The following CCP110 variants were observed in gnomAD, a reference collection of about 807,000 sequenced individuals.
CCP110 encodes centriolar coiled-coil protein 110.
Under a neutral mutation model 105.5 loss-of-function variants are expected in CCP110, and 43 were observed. The ratio of observed to expected loss-of-function variants is 0.41; its 90% CI spans 0.32 to 0.53. The LOEUF is 0.53. CCP110 is among the 20% of genes least tolerant of loss of function. The pLI, the probability that CCP110 is intolerant of heterozygous loss-of-function variation, is 0.32. For missense variants in CCP110, 1,016 were observed against 1,189.1 expected, an observed-to-expected ratio of 0.85 and a Z score of 2.14; for synonymous variants, 353 against 392.1, an observed-to-expected ratio of 0.90 and a Z score of 1.18.
intron 3 of CCP110, among the ~76,000 whole-genome samples, chr16:19,532,769 A>G (rs1969920465): frequency 6.6e-6 from 1 of 152,214 alleles, no homozygotes; most frequent in South Asian, 2.1e-4. Context: ...ACACAATAGA[A>G]CCATACACTG....
chr16:19,548,203 A>G lies in CCP110; in HGVS notation c.2900+189A>G. ...TAACCCTCTTGGTGTACTGTTGTGT[A>G]TTCTAATTACTGTCTTAAGTTGGGA... On this transcript the variant is annotated intron_variant, in intron 13 of 14. Coordinates refer to ENST00000381396, the Ensembl canonical transcript of CCP110. The surrounding 1 kb of genome is among the most constrained non-coding windows in gnomAD (Gnocchi z 4.1). 1.6e-6 allele frequency: 1 copy of G among 623,520 alleles called. No individual in the cohort carries two copies. Among genetic ancestry groups the G allele is most frequent in the Non-Finnish European group, 2.9e-6 (1 of 349,734 alleles). 38.6% of individuals were successfully genotyped at this position (623,520 alleles called of 1,614,324 possible).
Position 19,545,123 on chromosome 16 carries a change from CAT to C in CCP110, c.2619_2620del (p.Phe874LeufsTer7), listed in dbSNP as rs773230576. 5.6e-6 allele frequency: 9 copies of C among 1,611,050 alleles called. No homozygotes were observed. Among genetic ancestry groups the C allele is most frequent in the Non-Finnish European group, 6.8e-6 (8 of 1,178,270 alleles). On this transcript the variant is annotated frameshift_variant, in exon 10 of 15. Transcript: ENST00000381396. LOFTEE classifies it high-confidence loss of function. ...GAGCTGCCTTGTACGGTATTCATGA[CAT>C]ATTCTTTGTAATGGATGCAGCTGAA...
At chr16:19,533,474 A>T (rs963208335) in intron 3 of CCP110, among the ~76,000 whole-genome samples, 1 of 152,116 alleles carries the variant, frequency 6.6e-6, no homozygotes, top group African/African-American at 2.4e-5. Context: ...GAGGAAAGAA[A>T]AAAAAAGGAG....
In CCP110 at chr16:19,526,611, T is replaced by C. The variant is rs976463048; in HGVS notation, c.-15-1256T>C. On this transcript the variant is annotated intron_variant, in intron 1 of 14. Transcript: ENST00000381396. The stretch of plus-strand genomic sequence containing the variant: ...TGAATAGTAGGAAGAAGTTTTGTTA[T>C]TGATTAAACTATTTAGAAAAAATAG... 2.6e-5 allele frequency: 4 copies of C among 152,238 alleles called. No individual in the cohort carries two copies. The East Asian group carries it at 7.7e-4, about 29-fold the overall frequency. The allele number at this position is 152,238 out of a possible 1,614,324, so 9.4% of individuals were successfully genotyped here.
In CCP110 at chr16:19,544,881, G is replaced by C. The variant is rs769893974; in HGVS notation, c.2569G>C (p.Glu857Gln). The C allele has an allele frequency of 1.9e-6, 3 of 1,585,830 alleles. No homozygotes were observed. The Admixed American group carries it at 5.0e-5, about 27-fold the overall frequency. ...TTCAGCTCAAGATGCTTCACTTCAG[G>C]AAAGAGTGTTAGCTCAGGTAAATAC... Residue 857 changes from glutamate (E) to glutamine (Q), a missense_variant, in exon 9 of 15, where the codon GAA becomes CAA. Transcript: ENST00000381396.
intron 1 of CCP110, among the ~76,000 whole-genome samples, chr16:19,524,626 G>C (rs982424799): frequency 2.6e-5 from 4 of 152,154 alleles, no homozygotes; most frequent in African/African-American, 9.7e-5. Flanking sequence ...GGAGCTGCTA[G>C]ATGGTTCCCA....
At chr16:19,530,600 C>G (rs1969830886) in intron 2 of CCP110, among the ~76,000 whole-genome samples, 1 of 151,540 alleles carries the variant, frequency 6.6e-6, no homozygotes, top group Non-Finnish European at 1.5e-5. Flanking sequence ...GAGCCAAGAT[C>G]CACTGAACCC....
intron 1 of CCP110, among the ~76,000 whole-genome samples, chr16:19,524,458 C>T (rs887704482): frequency 1.3e-5 from 2 of 152,162 alleles, no homozygotes; most frequent in African/African-American, 4.8e-5. Context: ...CGTTTTTCTT[C>T]TCCCTCCCAC....
chr16:19,542,516 G>T, intron 6 of CCP110, 105 bp from the exon 7 acceptor site: 1 of 805,442 alleles, frequency 1.2e-6, no homozygotes, highest in Non-Finnish European at 2.0e-6. Flanking sequence ...GGTCATTTTT[G>T]GAGGCAGTTG....
At chr16:19,540,360 A>G (rs997432183) in intron 4 of CCP110, among the ~76,000 whole-genome samples, 153 of 152,320 alleles carry the variant, frequency 1.0e-3, no homozygotes, top group African/African-American at 3.6e-3. Flanking sequence ...CCACATCTGA[A>G]AGTTAAGTAG....
chr16:19,546,522 GAA>G, intron 12 of CCP110, 48 bp downstream of exon 12: 1 of 1,087,976 alleles, frequency 9.2e-7, no homozygotes, highest in Non-Finnish European at 1.4e-6. Context: ...GTTTTTTATA[GAA>G]AAAAAAAATT....
intron 2 of CCP110, among the ~76,000 whole-genome samples, chr16:19,529,992 T>A (rs891214810): frequency 3.3e-5 from 5 of 151,566 alleles, no homozygotes; most frequent in African/African-American, 7.3e-5. Context: ...ATCCCCAGAG[T>A]TTGAGACCAG....
chr16:19,525,959 G>A lies in CCP110; in HGVS notation c.-16+1871G>A, dbSNP rs533738493. On this transcript the variant is annotated intron_variant, in intron 1 of 14. Coordinates refer to ENST00000381396, the Ensembl canonical transcript of CCP110. ...TCATCAGGGATGCCTTCTCTGAGGA[G>A]GGGATATCCAAGCCGAGACTGAAGA... 7.9e-5 allele frequency: 12 copies of A among 152,740 alleles called. No homozygotes were observed. The East Asian group carries it at 1.7e-3, about 22-fold the overall frequency. 9.5% of individuals were successfully genotyped at this position (152,740 alleles called of 1,614,324 possible).
Position 19,548,401 on chromosome 16 carries a change from C to G in CCP110, c.2901-114C>G. The G allele has an allele frequency of 2.8e-6, 2 of 702,082 alleles. No homozygotes were observed. Among genetic ancestry groups the G allele is most frequent in the Non-Finnish European group, 4.7e-6 (2 of 425,368 alleles). The allele number at this position is 702,082 out of a possible 1,614,324, so 43.5% of individuals were successfully genotyped here. On this transcript the variant is annotated intron_variant, in intron 13 of 14. Coordinates refer to ENST00000381396, the Ensembl canonical transcript of CCP110. The surrounding 1 kb of genome is among the most constrained non-coding windows in gnomAD (Gnocchi z 4.1). ...TGTGCGCATGCATGAGACTTCAGTT[C>G]TTTTCAAGCTTATTTGTGCTTTGGA...
chr16:19,531,678 TGAAGATGGGCCAGGCGCGGTG>T (rs537266412), intron 2 of CCP110, among the ~76,000 whole-genome samples: 2 of 152,334 alleles, frequency 1.3e-5, no homozygotes, highest in Admixed American at 1.3e-4. Flanking sequence ...AATAAGATAC[TGAAGATGGGCCAGGCGCGGTG>T]GCTCGCGCCT....
chr16:19,531,442 T>C (rs1288974265), intron 2 of CCP110, among the ~76,000 whole-genome samples: 4 of 152,246 alleles, frequency 2.6e-5, no homozygotes, highest in African/African-American at 4.8e-5. Context: ...TGAAATCCAT[T>C]ATAAAGAGAT....
intron 8 of CCP110, among the ~76,000 whole-genome samples, chr16:19,544,028 C>T (rs1970377867): frequency 1.3e-5 from 2 of 152,140 alleles, no homozygotes; most frequent in Non-Finnish European, 2.9e-5. Flanking sequence ...ACTCCCTGTT[C>T]TTGCACCCCC....
At chr16:19,529,147 G>A (rs1488896574) in intron 2 of CCP110, among the ~76,000 whole-genome samples, 1 of 152,164 alleles carries the variant, frequency 6.6e-6, no homozygotes, top group Non-Finnish European at 1.5e-5. Flanking sequence ...GATCATAAGA[G>A]GTACCCAATA....
rs536084188 is a variant in CCP110 at position 19,530,876 on chromosome 16, C to A, written c.142-1540C>A. ...GGCCGAGGCAGGAGAATCGCTTGAA[C>A]CCAGGAGGGATCGGGATCGCACCAC... On this transcript the variant is annotated intron_variant, in intron 2 of 14. Coordinates refer to ENST00000381396, the Ensembl canonical transcript of CCP110. Among the ~76,000 whole-genome samples the A allele has an allele frequency of 2.6e-4, 40 of 152,164 alleles. 1 individual carries two copies. The South Asian group carries it at 7.9e-3, about 30-fold the overall frequency.
Sources: allele counts gnomAD v4.1 joint callset (sites outside exome capture counted in the v4.1 genomes callset), GRCh38; gene constraint gnomAD v4.1.1; non-coding constraint Gnocchi (gnomAD v3.1); transcripts MANE v1.5; gene names NCBI Gene and HGNC (gene_info 2026-07-23, HGNC 2026-07-21).